The following SLC13A3 variants were observed in gnomAD, a reference collection of about 807,000 sequenced individuals.
SLC13A3 encodes the protein solute carrier family 13 member 3.
In SLC13A3, 40 loss-of-function variants were observed where a neutral mutation model predicts 59.0. The ratio of observed to expected loss-of-function variants is 0.68; its 90% CI spans 0.53 to 0.88. The LOEUF (loss-of-function observed/expected upper bound fraction) is 0.88, where lower values mean the gene tolerates loss of function less well. SLC13A3 is among the 40% of genes least tolerant of loss of function. The probability of loss-of-function intolerance (pLI) is 0.00; values close to 1 mark genes in which losing one functional copy is unlikely to be tolerated. For missense variants in SLC13A3, 699 were observed against 783.2 expected (o/e 0.89, Z 1.28); for synonymous variants, 317 against 330.3 (o/e 0.96, Z 0.44).
rs934263848 is a variant in SLC13A3, at chr20:46,568,091, G to A, written c.1333-1701C>T. On this transcript the variant is annotated intron_variant, in intron 10 of 12. Transcript: ENST00000279027. ...CTCAGAACTTAAAAATTTCATAATCGATTCTAGAAGACAGCATACAGGGCC... is the reference window on the plus strand; with the variant it reads ...CTCAGAACTTAAAAATTTCATAATCAATTCTAGAAGACAGCATACAGGGCC... 1.2e-3 allele frequency among the ~76,000 whole-genome samples: 176 copies of A among 151,830 alleles called. 1 individual carries two copies. Among genetic ancestry groups the A allele is most frequent in the African/African-American group, 4.2e-3 (172 of 41,322 alleles).
intron 10 of SLC13A3, among the ~76,000 whole-genome samples, chr20:46,568,072 A>G (rs1348940406): frequency 6.6e-6 from 1 of 152,146 alleles, no homozygotes; most frequent in African/African-American, 2.4e-5. Context: ...CTTACTCAGA[A>G]CTTAAAAATT....
chr20:46,618,123 CA>C (rs2062580142), intron 1 of SLC13A3, among the ~76,000 whole-genome samples: 1 of 152,174 alleles, frequency 6.6e-6, no homozygotes, highest in Non-Finnish European at 1.5e-5. Context: ...TATTATGAGA[CA>C]CCTAGACCCC....
chr20:46,626,027 T>G (rs1399546705), intron 1 of SLC13A3, among the ~76,000 whole-genome samples: 1 of 152,140 alleles, frequency 6.6e-6, no homozygotes, highest in East Asian at 1.9e-4. Context: ...GATGTATTCA[T>G]TCTGTACATG....
Position 46,596,449 on chromosome 20 carries a change from A to C in SLC13A3, c.609-107T>G. 4 of 985,078 alleles carry C rather than the reference A, an allele frequency of 4.1e-6. No individual in the cohort carries two copies. The South Asian group carries it at 6.2e-5, about 15-fold the overall frequency. The allele number at this position is 985,078 out of a possible 1,614,324, so 61.0% of individuals were successfully genotyped here. ...ATCTTTCTAGAAGGTAATTTGGCAC[A>C]GGTATCAAAAACCCGTAACAAGGTG... On this transcript the variant is annotated intron_variant, in intron 4 of 12. Transcript: ENST00000279027.
intron 1 of SLC13A3, among the ~76,000 whole-genome samples, chr20:46,619,591 A>C (rs530574225): frequency 6.6e-6 from 1 of 152,268 alleles, no homozygotes; most frequent in African/African-American, 2.4e-5. Flanking sequence ...TGGCATTCAA[A>C]GCTTATCAGT....
chr20:46,653,875 C>G (rs1046494334), upstream of SLC13A3, among the ~76,000 whole-genome samples: 1 of 152,062 alleles, frequency 6.6e-6, no homozygotes, highest in East Asian at 1.9e-4. Flanking sequence ...TACCGTTTGG[C>G]TATTGTGAGT....
intron 5 of SLC13A3, among the ~76,000 whole-genome samples, chr20:46,595,338 T>C (rs901741824): frequency 1.3e-5 from 2 of 152,242 alleles, no homozygotes; most frequent in Non-Finnish European, 2.9e-5. Context: ...CTTTTCTTTT[T>C]TTTAGAGCAG....
At position 46,680,901 on chromosome 20, in the gene SLC13A3, C is replaced by T. The variant is rs1404905975; in HGVS notation, c.-31+3495G>A. ...CTCACAGCAACTCCACCATGCAGCA[C>T]CACTGTGAGTCCATTTTACAGATGA... On this transcript the variant is annotated intron_variant, in intron 1 of 6. Coordinates refer to the SLC13A3 transcript ENST00000372121. Among the ~76,000 whole-genome samples the T allele has an allele frequency of 2.6e-5, 4 of 152,338 alleles. No homozygotes were observed. The South Asian group carries it at 8.3e-4, about 32-fold the overall frequency.
chr20:46,644,176 G>T (rs1382376023), intron 1 of SLC13A3, among the ~76,000 whole-genome samples: 1 of 152,116 alleles, frequency 6.6e-6, no homozygotes, highest in Non-Finnish European at 1.5e-5. Context: ...CCTTTTCTGG[G>T]CCTCAGTTTC....
intron 9 of SLC13A3, among the ~76,000 whole-genome samples, chr20:46,577,672 A>G (rs752436840): frequency 4.1e-4 from 63 of 152,210 alleles, no homozygotes; most frequent in Non-Finnish European, 8.4e-4. Context: ...CCATCCAACC[A>G]TGCCTTTGCT....
At chr20:46,634,295 A>AG (rs2062773992) in intron 1 of SLC13A3, among the ~76,000 whole-genome samples, 1 of 152,106 alleles carries the variant, frequency 6.6e-6, no homozygotes, top group Admixed American at 6.5e-5. Context: ...CACTTTCCAG[A>AG]GGGAGAGACT....
intron 12 of SLC13A3, among the ~76,000 whole-genome samples, chr20:46,561,223 G>A (rs984096197): frequency 3.6e-4 from 55 of 152,066 alleles, no homozygotes; most frequent in African/African-American, 1.3e-3. Context: ...CCGCCTTTCC[G>A]GACCAAACCA....
intron 10 of SLC13A3, among the ~76,000 whole-genome samples, chr20:46,566,762 C>T (rs558218903): frequency 1.3e-5 from 2 of 151,502 alleles, no homozygotes; most frequent in African/African-American, 2.4e-5. Flanking sequence ...ATTAATTACC[C>T]AAATCATAAT....
intron 1 of SLC13A3, among the ~76,000 whole-genome samples, chr20:46,619,611 T>C (rs1239168082): frequency 6.6e-6 from 1 of 152,210 alleles, no homozygotes; most frequent in Non-Finnish European, 1.5e-5. Context: ...TGTGTCCCAG[T>C]ACAGGCTTCC....
chr20:46,675,934 G>A (rs1309406691), intron 1 of SLC13A3: 1 of 149,514 alleles, frequency 6.7e-6, no homozygotes, highest in Non-Finnish European at 1.5e-5. Context: ...CTTTTTTTGA[G>A]ACAGAGTCTC....
At chr20:46,664,225 A>G (rs1418496658) in intron 1 of SLC13A3, among the ~76,000 whole-genome samples, 2 of 152,144 alleles carry the variant, frequency 1.3e-5, no homozygotes, top group African/African-American at 4.8e-5. Context: ...ACTGTCCCTA[A>G]AAATCTAATT....
intron 1 of SLC13A3, among the ~76,000 whole-genome samples, chr20:46,639,905 A>G (rs1378502663): frequency 1.3e-5 from 2 of 152,218 alleles, no homozygotes; most frequent in African/African-American, 2.4e-5. Flanking sequence ...TGGAGCCAGA[A>G]TGGTGAGGTT....
At chr20:46,659,531 A>T (rs985168421) in intron 1 of SLC13A3, among the ~76,000 whole-genome samples, 12 of 152,106 alleles carry the variant, frequency 7.9e-5, no homozygotes, top group Non-Finnish European at 1.6e-4. Context: ...CCTGGCCAAC[A>T]TGGTGAAACC....
intron 3 of SLC13A3, chr20:46,609,117 G>A: frequency 1.3e-6 from 2 of 1,503,576 alleles, no homozygotes; most frequent in South Asian, 2.6e-5. Flanking sequence ...GCCCACATAT[G>A]TATCAATTCA....
Sources: allele counts gnomAD v4.1 joint callset (sites outside exome capture counted in the v4.1 genomes callset), GRCh38; gene constraint gnomAD v4.1.1; transcripts MANE v1.5; gene names NCBI Gene and HGNC (gene_info 2026-07-23, HGNC 2026-07-21).